The following FUT8 variants were observed in gnomAD, a reference collection of about 807,000 sequenced individuals.
FUT8 encodes alpha-(1,6)-fucosyltransferase.
In FUT8, 29 loss-of-function variants were observed where a neutral mutation model predicts 71.3. That is an observed-to-expected ratio of 0.41 (90% CI 0.30 to 0.55). The LOEUF (loss-of-function observed/expected upper bound fraction) is 0.55, where lower values mean the gene tolerates loss of function less well. Ranked by LOEUF, FUT8 falls within the 20% of genes least tolerant of loss-of-function variation. The pLI, the probability that FUT8 is intolerant of heterozygous loss-of-function variation, is 0.34. For synonymous variants in FUT8, 254 were observed against 239.3 expected (o/e 1.06, Z -0.57); for missense variants, 544 against 702.1 (o/e 0.77, Z 2.55).
intron 1 of FUT8, among the ~76,000 whole-genome samples, chr14:65,428,915 T>C (rs1477278485): frequency 6.6e-6 from 1 of 152,182 alleles, no homozygotes; most frequent in African/African-American, 2.4e-5. Flanking sequence ...TGGGGTTAGA[T>C]AGTTTTTCAA....
chr14:65,729,365 C>T lies in FUT8; in HGVS notation c.1260-3866C>T, dbSNP rs541373539. ...ATACATATACGCTGTACAGATATGCCGTTGCTTATTTGACCAACCATTCTT... is the reference window on the plus strand; with the variant it reads ...ATACATATACGCTGTACAGATATGCTGTTGCTTATTTGACCAACCATTCTT... On this transcript the variant is annotated intron_variant, in intron 9 of 10. Transcript: ENST00000673929. Among the ~76,000 whole-genome samples, 30 of 152,122 alleles carry T rather than the reference C, an allele frequency of 2.0e-4. No homozygotes were observed. In the East Asian group the frequency reaches 4.1e-3, roughly 21 times the overall value.
chr14:65,661,613 G>C (rs1891968977), intron 6 of FUT8, among the ~76,000 whole-genome samples: 1 of 152,020 alleles, frequency 6.6e-6, no homozygotes, highest in Non-Finnish European at 1.5e-5. Context: ...TGGTGTGTAG[G>C]AAAAATCTTT....
At position 65,669,818 on chromosome 14, in the gene FUT8, A is replaced by G. The variant is rs903338898; in HGVS notation, c.835+338A>G. ...CATTTTAATATGAAGTAATCATCATATAAAGTAGTCCAGTTTATATGGACT... is the reference window on the plus strand; with the variant it reads ...CATTTTAATATGAAGTAATCATCATGTAAAGTAGTCCAGTTTATATGGACT... On this transcript the variant is annotated intron_variant, in intron 7 of 10. Coordinates refer to ENST00000673929, the MANE Select transcript of FUT8 (RefSeq NM_001371533.1). This position sits in a 1 kb window ranked among gnomAD's most constrained non-coding sequence, Gnocchi z 4.5. Among the ~76,000 whole-genome samples, 2 of 152,222 alleles carry G rather than the reference A, an allele frequency of 1.3e-5. No individual in the cohort carries two copies. The highest frequency in any genetic ancestry group is 4.8e-5 in the African/African-American group (2 of 41,460).
chr14:65,719,008 A>G (rs1004924515), intron 7 of FUT8, among the ~76,000 whole-genome samples: 4 of 152,228 alleles, frequency 2.6e-5, no homozygotes, highest in African/African-American at 7.2e-5. Context: ...ATCTTTGTCT[A>G]GAATTCGGAT....
chr14:65,622,216 A>G (rs901523320), intron 5 of FUT8, among the ~76,000 whole-genome samples: 7 of 152,174 alleles, frequency 4.6e-5, no homozygotes, highest in Admixed American at 4.6e-4. Context: ...TTACTCCAAA[A>G]TCCGTTCTCT....
intron 3 of FUT8, among the ~76,000 whole-genome samples, chr14:65,613,313 A>G (rs142206654): frequency 7.0e-4 from 107 of 152,290 alleles, no homozygotes; most frequent in African/African-American, 2.6e-3. Flanking sequence ...CCTATAGTAT[A>G]TTGCTGCCAA....
At chr14:65,420,861 C>G (rs1159835193) in intron 1 of FUT8, among the ~76,000 whole-genome samples, 2 of 152,030 alleles carry the variant, frequency 1.3e-5, no homozygotes, top group Admixed American at 1.3e-4. Context: ...GTATTATATA[C>G]TGTGTTCTCA....
rs549167463 is a variant in FUT8, at chr14:65,574,148, C to T, written c.203+12382C>T. Among the ~76,000 whole-genome samples, 1 of 152,260 alleles carries T rather than the reference C, an allele frequency of 6.6e-6. No homozygotes were observed. The highest frequency in any genetic ancestry group is 2.1e-4 in the South Asian group (1 of 4,826). On this transcript the variant is annotated intron_variant, in intron 3 of 10. Transcript: ENST00000673929. The surrounding 1 kb of genome is among the most constrained non-coding windows in gnomAD (Gnocchi z 5.2). ...AAGGGCCTCAGTTTCTTGCTGTCTG[C>T]CAGAGGCTGCCCTCAGTTCCTTTCC... is the stretch of plus-strand genomic sequence containing the variant.
the FUT8 span, among the ~76,000 whole-genome samples, chr14:65,381,978 A>G: frequency 1.3e-5 from 2 of 152,198 alleles, no homozygotes; most frequent in Admixed American, 1.3e-4. Context: ...CCCCTTGCCT[A>G]TTGCAACTTG....
In FUT8 at chr14:65,489,886, A is replaced by G. The variant is rs1409981464; in HGVS notation, c.-228+34168A>G. Among the ~76,000 whole-genome samples the G allele has an allele frequency of 6.6e-6, 1 of 152,108 alleles. No homozygotes were observed. Among genetic ancestry groups the G allele is most frequent in the East Asian group, 1.9e-4 (1 of 5,206 alleles). On this transcript the variant is annotated intron_variant, in intron 2 of 10. Coordinates refer to ENST00000673929, the MANE Select transcript of FUT8 (RefSeq NM_001371533.1). This position sits in a 1 kb window ranked among gnomAD's most constrained non-coding sequence, Gnocchi z 4.0. ...AGAAATTCAGTGTACTTTCTTTTCA[A>G]AAAAACATTAAAAACTCCAAAACCC...
chr14:65,635,883 TCTTGTGGA>T (rs1890524627), intron 6 of FUT8, among the ~76,000 whole-genome samples: 1 of 152,206 alleles, frequency 6.6e-6, no homozygotes, highest in African/African-American at 2.4e-5. Flanking sequence ...TCTTTCTCTG[TCTTGTGGA>T]CTAGTATCGA....
At chr14:65,539,498 G>C (rs538437485) in intron 2 of FUT8, among the ~76,000 whole-genome samples, 1 of 152,250 alleles carries the variant, frequency 6.6e-6, no homozygotes, top group Admixed American at 6.5e-5. Flanking sequence ...TAGCTTGTAG[G>C]GATTTGAATC....
In FUT8 at chr14:65,724,277, T is replaced by C; in HGVS notation, c.1213T>C (p.Tyr405His). 2.5e-6 allele frequency: 4 copies of C among 1,612,430 alleles called. No individual in the cohort carries two copies. The highest frequency in any genetic ancestry group is 3.4e-6 in the Non-Finnish European group (4 of 1,179,624). The stretch of plus-strand genomic sequence containing the variant: ...AATGCAAGTGGACAAAAAAAGAGTG[T>C]ATTTGGCCACAGATGACCCTTCTTT... ...RRMQVDKKRV[Y>H]LATDDPSLLK... Residue 405 changes from tyrosine (Y) to histidine (H), a missense_variant, in exon 9 of 11, where the codon TAT (tyrosine) becomes CAT (histidine). By Grantham distance (83) the Tyr-to-His change is moderately conservative (BLOSUM62 2). Coordinates refer to ENST00000673929, the MANE Select transcript of FUT8 (RefSeq NM_001371533.1).
intron 5 of FUT8, among the ~76,000 whole-genome samples, chr14:65,619,970 T>C (rs1416395616): frequency 6.6e-6 from 1 of 152,172 alleles, no homozygotes; most frequent in Non-Finnish European, 1.5e-5. Flanking sequence ...AGTTTAGATG[T>C]GTACCTCAAC....
At chr14:65,703,109 C>G (rs976762442) in intron 7 of FUT8, among the ~76,000 whole-genome samples, 1 of 152,208 alleles carries the variant, frequency 6.6e-6, no homozygotes. Flanking sequence ...TTTGTAAATT[C>G]TAGTCCAAGT....
At chr14:65,372,545 A>G in the FUT8 span, among the ~76,000 whole-genome samples, 1 of 151,600 alleles carries the variant, frequency 6.6e-6, no homozygotes, top group Non-Finnish European at 1.5e-5. Context: ...CCTCCCGAGT[A>G]GCTGGGATTA....
chr14:65,488,014 G>A (rs78427768), intron 2 of FUT8, among the ~76,000 whole-genome samples: 2,369 of 152,158 alleles, frequency 0.016, 52 homozygotes, highest in East Asian at 0.092. Flanking sequence ...TTAGACATGG[G>A]TCTTGCTATG....
chr14:65,726,944 A>G (rs1053779513), intron 9 of FUT8, among the ~76,000 whole-genome samples: 4 of 152,220 alleles, frequency 2.6e-5, no homozygotes, highest in African/African-American at 9.6e-5. Context: ...TACAGGCCCC[A>G]TGCAAGTCCG....
At chr14:65,631,283 C>T (rs1224068189) in intron 6 of FUT8, among the ~76,000 whole-genome samples, 1 of 152,114 alleles carries the variant, frequency 6.6e-6, no homozygotes, top group Non-Finnish European at 1.5e-5. Flanking sequence ...AAATTTTCAC[C>T]AACTATATCT....
Sources: allele counts gnomAD v4.1 joint callset (sites outside exome capture counted in the v4.1 genomes callset), GRCh38; gene constraint gnomAD v4.1.1; non-coding constraint Gnocchi (gnomAD v3.1); transcripts MANE v1.5; gene names NCBI Gene and HGNC (gene_info 2026-07-23, HGNC 2026-07-21).